The following CRYBG3 variants were observed in gnomAD, a reference collection of about 807,000 sequenced individuals.
The protein encoded by CRYBG3 is very large A-kinase anchor protein.
In CRYBG3, 127 loss-of-function variants were observed where a neutral mutation model predicts 244.2. That is an observed-to-expected ratio of 0.52 (90% confidence interval 0.45 to 0.60). The LOEUF (loss-of-function observed/expected upper bound fraction) is 0.60. CRYBG3 is among the 20% of genes least tolerant of loss of function. CRYBG3 has a pLI of 0.00. For missense variants in CRYBG3, 3,325 were observed against 3,442.5 expected (o/e 0.97, Z 0.85); for synonymous variants, 1,132 against 1,195.8 (o/e 0.95, Z 1.10).
intron 11 of CRYBG3, among the ~76,000 whole-genome samples, chr3:97,894,611 A>G (rs767172822): frequency 7.2e-5 from 11 of 152,292 alleles, no homozygotes; most frequent in Non-Finnish European, 1.5e-4. Context: ...TTAGTCTATT[A>G]AGAAAAACTG....
At position 97,872,981 on chromosome 3, in the gene CRYBG3, A is replaced by G; in HGVS notation, c.1787A>G (p.Glu596Gly). The G allele has an allele frequency of 6.5e-7, 1 of 1,535,764 alleles. No individual in the cohort carries two copies. Among genetic ancestry groups the G allele is most frequent in the South Asian group, 1.2e-5 (1 of 83,952 alleles). The change falls in exon 4 of 22, where the codon GAA (glutamate) becomes GGA (glycine). Residue 596 changes from glutamate to glycine, a missense_variant. Glu to Gly is a moderately conservative substitution (Grantham distance 98). Transcript: ENST00000389622. ...KDLASLNYIS[E>G]SAVVASLGNE... is the part of the protein sequence containing the mutation. ...CTGGCCTCTTTAAATTACATCAGTG[A>G]ATCAGCAGTTGTAGCAAGCTTAGGA...
intron 19 of CRYBG3, 106 bp downstream of exon 19, chr3:97,937,014 A>G: frequency 7.9e-7 from 1 of 1,259,518 alleles, no homozygotes; most frequent in Non-Finnish European, 1.1e-6. Context: ...TTTGCCATTT[A>G]CATAGTAGGG....
intron 12 of CRYBG3, among the ~76,000 whole-genome samples, chr3:97,896,513 C>T (rs1479675270): frequency 6.6e-6 from 1 of 152,150 alleles, no homozygotes; most frequent in Non-Finnish European, 1.5e-5. Flanking sequence ...GAAAAGATGA[C>T]AGCTGGCTGA....
rs1051238934 is a variant in CRYBG3 at position 97,824,024 on chromosome 3, A to C, written c.149+1669A>C. On this transcript the variant is annotated intron_variant, in intron 1 of 21. Coordinates refer to ENST00000389622, the MANE Select transcript of CRYBG3 (RefSeq NM_153605.4). ...AACGATGAAGATTTTAATTGTGCTT[A>C]TATCAACGCTAATTTTGTTCTCATC... Among the ~76,000 whole-genome samples, 20 of 152,332 alleles carry C rather than the reference A, an allele frequency of 1.3e-4. No homozygotes were observed. In the South Asian group the frequency reaches 3.3e-3, roughly 25 times the overall value.
intron 2 of CRYBG3, among the ~76,000 whole-genome samples, chr3:97,848,370 C>T (rs1387628249): frequency 6.6e-6 from 1 of 152,062 alleles, no homozygotes; most frequent in Non-Finnish European, 1.5e-5. Flanking sequence ...GGCGCGATCT[C>T]GGCTCACTGA....
At chr3:97,882,586 A>G (rs570637780) in intron 7 of CRYBG3, among the ~76,000 whole-genome samples, 2 of 152,330 alleles carry the variant, frequency 1.3e-5, no homozygotes, top group African/African-American at 2.4e-5. Context: ...TTCTCCTCAC[A>G]TGTATTCTTA....
rs369044672 is a variant in CRYBG3 at position 97,933,146 on chromosome 3, C to T, written c.8242-548C>T. The T allele has an allele frequency of 3.5e-3, 1,568 of 454,162 alleles. 28 individuals are homozygous for T. Among genetic ancestry groups the T allele is most frequent in the South Asian group, 0.018 (1,147 of 63,816 alleles). The allele number at this position is 454,162 out of a possible 1,614,324, so 28.1% of individuals were successfully genotyped here. A position where few individuals can be genotyped will look rare whatever the true frequency, so the allele number is the denominator to read the frequency against. The stretch of plus-strand genomic sequence containing the variant: ...AAAGCAATACTGAGTCTATTCTTGT[C>T]TGACATGATGGGTTGAAGAAATACT... On this transcript the variant is annotated intron_variant, in intron 17 of 21. Coordinates refer to ENST00000389622, the MANE Select transcript of CRYBG3 (RefSeq NM_153605.4).
chr3:97,841,611 G>T (rs144164155), intron 1 of CRYBG3, among the ~76,000 whole-genome samples: 95 of 151,996 alleles, frequency 6.3e-4, no homozygotes, highest in African/African-American at 2.1e-3. Context: ...CATCTGATCC[G>T]CTTTGGGACA....
chr3:97,885,478 C>A (rs1237290865), intron 7 of CRYBG3, among the ~76,000 whole-genome samples: 1 of 152,076 alleles, frequency 6.6e-6, no homozygotes, highest in African/African-American at 2.4e-5. Context: ...TCATTAAATA[C>A]TCATGAGTAT....
intron 16 of CRYBG3, among the ~76,000 whole-genome samples, chr3:97,914,081 T>C (rs2039901646): frequency 6.6e-6 from 1 of 152,190 alleles, no homozygotes; most frequent in African/African-American, 2.4e-5. Context: ...TTCACCTTCT[T>C]GATTAACCCT....
chr3:97,880,178 A>AT, intron 6 of CRYBG3, 78 bp downstream of exon 6: 1 of 712,116 alleles, frequency 1.4e-6, no homozygotes, highest in Non-Finnish European at 2.3e-6. Flanking sequence ...TTTTTTTTCT[A>AT]TTTTTTATTG....
At chr3:97,842,142 T>A (rs1708624872) in intron 1 of CRYBG3, among the ~76,000 whole-genome samples, 1 of 152,166 alleles carries the variant, frequency 6.6e-6, no homozygotes, top group African/African-American at 2.4e-5. Flanking sequence ...CATTTTTATA[T>A]CCTTAAGGCT....
At chr3:97,822,921 G>A (rs2038525982) in intron 1 of CRYBG3, among the ~76,000 whole-genome samples, 1 of 152,224 alleles carries the variant, frequency 6.6e-6, no homozygotes, top group Non-Finnish European at 1.5e-5. Context: ...AAAAGGAATT[G>A]TGATAATGCG....
At chr3:97,865,396 A>G (rs183671294) in intron 3 of CRYBG3, among the ~76,000 whole-genome samples, 75 of 152,316 alleles carry the variant, frequency 4.9e-4, no homozygotes, top group African/African-American at 1.8e-3. Context: ...GCACTACCTT[A>G]TAATTATACA....
At position 97,874,618 on chromosome 3, in the gene CRYBG3, ACTG is replaced by A; in HGVS notation, c.3429_3431del (p.Ala1144del). Reference sequence around the variant, plus strand: ...TGGGAAGATATCCATTGATTTCCCAACTGCTGCCCAATTTGACAATCTCGTGGA... The same window carrying A: ...TGGGAAGATATCCATTGATTTCCCAACTGCCCAATTTGACAATCTCGTGGA... On this transcript the variant is annotated inframe_deletion, in exon 4 of 22. Transcript: ENST00000389622. 6.5e-7 allele frequency: 1 copy of A among 1,536,070 alleles called. No homozygotes were observed. Among genetic ancestry groups the A allele is most frequent in the Non-Finnish European group, 8.7e-7 (1 of 1,146,864 alleles).
intron 1 of CRYBG3, among the ~76,000 whole-genome samples, chr3:97,825,707 GGGAGAGTGATACCACTCCCAGT>G (rs1441377071): frequency 2.0e-5 from 3 of 152,332 alleles, no homozygotes; most frequent in East Asian, 3.9e-4. Context: ...GTGGGTGGGA[GGGAGAGTGATACCACTCCCAGT>G]GGAGAGTGAT....
At chr3:97,844,731 A>T (rs534382765) in intron 2 of CRYBG3, among the ~76,000 whole-genome samples, 2 of 152,298 alleles carry the variant, frequency 1.3e-5, no homozygotes, top group East Asian at 3.9e-4. Flanking sequence ...AGGCTCTGAA[A>T]GTTACATCTT....
intron 20 of CRYBG3, 102 bp from the exon 21 acceptor site, chr3:97,942,182 C>T: frequency 3.1e-6 from 3 of 967,656 alleles, no homozygotes; most frequent in Middle Eastern, 2.3e-4. Flanking sequence ...GACACACACA[C>T]ACTTCATGTC....
At chr3:97,900,285 G>GTGCA (rs2108240163) in intron 14 of CRYBG3, among the ~76,000 whole-genome samples, 168 bp from the exon 15 acceptor site, 1 of 152,204 alleles carries the variant, frequency 6.6e-6, no homozygotes, top group East Asian at 1.9e-4. Context: ...AAGATCAAGG[G>GTGCA]TGCAGTGAGC....
Sources: allele counts gnomAD v4.1 joint callset (sites outside exome capture counted in the v4.1 genomes callset), GRCh38; gene constraint gnomAD v4.1.1; transcripts MANE v1.5; gene names NCBI Gene and HGNC (gene_info 2026-07-23, HGNC 2026-07-21).